The following PDE9A variants were observed in gnomAD, a reference collection of about 807,000 sequenced individuals.
The protein encoded by PDE9A is high affinity cGMP-specific 3',5'-cyclic phosphodiesterase 9A.
A neutral mutation model predicts 87.4 loss-of-function variants in PDE9A; 60 were observed. The ratio of observed to expected loss-of-function variants is 0.69; its 90% CI spans 0.56 to 0.85. PDE9A has a LOEUF of 0.85. Ranked by LOEUF, PDE9A falls within the 40% of genes least tolerant of loss-of-function variation. The pLI is 0.00. For synonymous variants in PDE9A, 272 were observed against 279.4 expected (o/e 0.97, Z 0.27); for missense variants, 665 against 779.0 (o/e 0.85, Z 1.74).
chr21:42,701,200 T>G (rs2048352404), intron 4 of PDE9A: 1 of 152,170 alleles, frequency 6.6e-6, no homozygotes, highest in African/African-American at 2.4e-5. Flanking sequence ...TACATCACTA[T>G]TTCATGTATT....
intron 10 of PDE9A, 103 bp downstream of exon 10, chr21:42,754,167 C>T: frequency 1.6e-6 from 1 of 626,800 alleles, no homozygotes; most frequent in Non-Finnish European, 2.8e-6. Flanking sequence ...CTTGCTTTTT[C>T]CTCTTCTTTT....
At chr21:42,763,919 C>T (rs1028307520) in intron 14 of PDE9A, among the ~76,000 whole-genome samples, 2 of 152,198 alleles carry the variant, frequency 1.3e-5, no homozygotes, top group African/African-American at 4.8e-5. Context: ...GGGGAAGCTC[C>T]GAGGAAGCAG....
chr21:42,700,326 A>G (rs1465235230), intron 4 of PDE9A, among the ~76,000 whole-genome samples: 14 of 152,136 alleles, frequency 9.2e-5, no homozygotes, highest in Admixed American at 9.2e-4. Flanking sequence ...ATTAAAGTAC[A>G]AGTATTGGTG....
rs138304225 is a variant in PDE9A at position 42,768,886 on chromosome 21, C to T, written c.1462-141C>T. 3.3e-5 allele frequency: 49 copies of T among 1,477,230 alleles called. No individual in the cohort carries two copies. The African/African-American group carries it at 4.9e-4, about 15-fold the overall frequency. The allele number at this position is 1,477,230 out of a possible 1,614,324, so 91.5% of individuals were successfully genotyped here. On this transcript the variant is annotated intron_variant, in intron 16 of 19. Transcript: ENST00000291539. ...AGCACTGAAGATAGGGTCACCTTCT[C>T]CTTGTTCTTACTGAGACACATTTGT...
At chr21:42,765,642 C>G in intron 15 of PDE9A, 148 bp downstream of exon 15, 1 of 673,052 alleles carries the variant, frequency 1.5e-6, no homozygotes, top group Non-Finnish European at 2.8e-6. Context: ...AAGGTCATGA[C>G]TCTTACTAGG....
chr21:42,668,561 C>T lies in PDE9A; in HGVS notation c.69+14678C>T, dbSNP rs1486467686. Among the ~76,000 whole-genome samples, 3 of 152,258 alleles carry T rather than the reference C, an allele frequency of 2.0e-5. No individual in the cohort carries two copies. In the East Asian group the frequency reaches 5.8e-4, roughly 29 times the overall value. Reference sequence around the variant, plus strand: ...CAGCACACTTCCTGTTCTTTTGGTTCGTCGATTTTTGCATTTTCAGTCCCC... The same window carrying T: ...CAGCACACTTCCTGTTCTTTTGGTTTGTCGATTTTTGCATTTTCAGTCCCC... On this transcript the variant is annotated intron_variant, in intron 1 of 19. Coordinates refer to ENST00000291539, the MANE Select transcript of PDE9A (RefSeq NM_002606.3).
rs1367475370 is a variant in PDE9A, at chr21:42,702,082, C to T, written c.262+3071C>T. Among the ~76,000 whole-genome samples, 1 of 152,180 alleles carries T rather than the reference C, an allele frequency of 6.6e-6. No homozygotes were observed. The highest frequency in any genetic ancestry group is 1.5e-5 in the Non-Finnish European group (1 of 68,030). ...CTCTCCTCTGTCTCTCTCCTTTCCC[C>T]TGGGACCCTAACTACCTGAATGATA... On this transcript the variant is annotated intron_variant, in intron 4 of 19. Transcript: ENST00000291539. The surrounding 1 kb of genome is among the most constrained non-coding windows in gnomAD (Gnocchi z 4.9).
In PDE9A at chr21:42,704,416, C is replaced by T. The variant is rs374030472; in HGVS notation, c.262+5405C>T. Among the ~76,000 whole-genome samples, 19 of 142,538 alleles carry T rather than the reference C, an allele frequency of 1.3e-4. No homozygotes were observed. The South Asian group carries it at 2.0e-3, about 15-fold the overall frequency. The allele number at this position is 142,538 out of a possible 152,430, so 93.5% of individuals were successfully genotyped here. On this transcript the variant is annotated intron_variant, in intron 4 of 19. Transcript: ENST00000291539. The surrounding 1 kb of genome is among the most constrained non-coding windows in gnomAD (Gnocchi z 5.3). ...GGAGACAAAGTCGGTGTCAGGTAGA[C>T]CCCCCCCACCCCACCAAACACACAC...
chr21:42,717,649 C>T (rs1292584605), intron 4 of PDE9A, among the ~76,000 whole-genome samples: 2 of 151,542 alleles, frequency 1.3e-5, no homozygotes, highest in Non-Finnish European at 2.9e-5. Context: ...ACCTCGGCCT[C>T]CCAAAGTGCT....
chr21:42,737,184 G>C (rs1252440872), intron 7 of PDE9A, among the ~76,000 whole-genome samples: 2 of 152,200 alleles, frequency 1.3e-5, no homozygotes, highest in Non-Finnish European at 2.9e-5. Flanking sequence ...AGCCTGGTCC[G>C]ACACCCCGAT....
intron 3 of PDE9A, among the ~76,000 whole-genome samples, chr21:42,691,873 T>C (rs1374884441): frequency 7.1e-6 from 1 of 139,990 alleles, no homozygotes; most frequent in Non-Finnish European, 1.5e-5. Flanking sequence ...TCACCATCAC[T>C]ATCCAAAGTG....
intron 4 of PDE9A, chr21:42,700,872 A>G (rs1265701545): frequency 2.6e-5 from 4 of 152,224 alleles, no homozygotes; most frequent in African/African-American, 9.6e-5. Flanking sequence ...ACTACCGTAG[A>G]TAAATAGTAG....
intron 1 of PDE9A, among the ~76,000 whole-genome samples, chr21:42,674,656 TGCTGCCTCC>T (rs1386677268): frequency 4.6e-5 from 7 of 152,220 alleles, no homozygotes; most frequent in Non-Finnish European, 8.8e-5. Context: ...AGGTCCTCTC[TGCTGCCTCC>T]CACTGCCCCA....
intron 1 of PDE9A, among the ~76,000 whole-genome samples, chr21:42,679,360 G>A (rs1344895386): frequency 2.0e-5 from 3 of 150,616 alleles, no homozygotes; most frequent in African/African-American, 7.3e-5. Context: ...AGCTCACACT[G>A]AAATCACGCC....
chr21:42,769,888 C>T (rs1569281156), intron 17 of PDE9A, among the ~76,000 whole-genome samples: 1 of 152,192 alleles, frequency 6.6e-6, no homozygotes, highest in African/African-American at 2.4e-5. Context: ...CAGCCTGGCC[C>T]GTGACCCCAG....
chr21:42,673,583 T>TGC (rs1283427234), intron 1 of PDE9A, among the ~76,000 whole-genome samples: 3 of 152,232 alleles, frequency 2.0e-5, no homozygotes, highest in Non-Finnish European at 1.5e-5. Context: ...CATAATAGTT[T>TGC]CCATTATTTC....
intron 14 of PDE9A, among the ~76,000 whole-genome samples, chr21:42,763,667 C>T (rs1255175915): frequency 6.6e-5 from 10 of 152,172 alleles, no homozygotes; most frequent in Non-Finnish European, 2.9e-5. Flanking sequence ...CCCAGGGCAC[C>T]GTCTTCTGCG....
intron 15 of PDE9A, 108 bp from the exon 16 acceptor site, chr21:42,768,080 C>G (rs2056577364): frequency 7.0e-6 from 5 of 716,954 alleles, no homozygotes; most frequent in African/African-American, 5.2e-5. Context: ...CATGGTCCAG[C>G]AGGTCCTCCG....
At chr21:42,711,497 C>A (rs1331011514) in intron 4 of PDE9A, among the ~76,000 whole-genome samples, 1 of 152,028 alleles carries the variant, frequency 6.6e-6, no homozygotes, top group African/African-American at 2.4e-5. Context: ...ATGATCCACC[C>A]ACCTCGGCCT....
Sources: gnomAD v4.1 joint callset for allele counts (sites outside exome capture counted in the v4.1 genomes callset) on GRCh38, gnomAD v4.1.1 for gene constraint, Gnocchi (gnomAD v3.1) non-coding constraint, MANE v1.5 for transcripts, NCBI Gene and HGNC (gene_info 2026-07-23, HGNC 2026-07-21) for gene names.